Variants in PLCB4 observed in about 807,000 individuals in gnomAD.
PLCB4 encodes 1-phosphatidylinositol 4,5-bisphosphate phosphodiesterase beta-4.
Under a neutral mutation model 178.8 loss-of-function variants are expected in PLCB4, and 77 were observed. The observed-to-expected ratio is 0.43, with a 90% CI of 0.36 to 0.52. PLCB4 has a LOEUF of 0.52. Among genes scored for constraint, PLCB4 ranks in the 20% least tolerant of loss-of-function variants. The pLI, the probability that PLCB4 is intolerant of heterozygous loss-of-function variation, is 0.00. For synonymous variants in PLCB4, 496 were observed against 490.8 expected (o/e 1.01, Z -0.14); for missense variants, 1,024 against 1,453.4 (o/e 0.70, Z 4.80).
intron 32 of PLCB4, among the ~76,000 whole-genome samples, chr20:9,445,455 G>C (rs1018056399): frequency 6.6e-6 from 1 of 152,168 alleles, no homozygotes; most frequent in Non-Finnish European, 1.5e-5. Context: ...GAGATGCCGA[G>C]AACATTGTCT....
intron 12 of PLCB4, among the ~76,000 whole-genome samples, chr20:9,375,694 C>A (rs2036608252): frequency 6.6e-6 from 1 of 152,124 alleles, no homozygotes; most frequent in African/African-American, 2.4e-5. Context: ...AAACAAGTCC[C>A]ATGAACACTG....
chr20:9,369,757 C>T (rs944198042), intron 9 of PLCB4, among the ~76,000 whole-genome samples: 1 of 152,192 alleles, frequency 6.6e-6, no homozygotes, highest in Non-Finnish European at 1.5e-5. Context: ...GTGCTTTCTC[C>T]CACTCAGGAA....
At chr20:9,321,546 G>A (rs964807864) in intron 4 of PLCB4, among the ~76,000 whole-genome samples, 1 of 152,160 alleles carries the variant, frequency 6.6e-6, no homozygotes, top group African/African-American at 2.4e-5. Context: ...TTCTCTTAGG[G>A]AAATGAGAAT....
chr20:9,410,616 G>A (rs899383527), intron 24 of PLCB4, among the ~76,000 whole-genome samples: 5 of 152,206 alleles, frequency 3.3e-5, no homozygotes, highest in East Asian at 1.9e-4. Flanking sequence ...AGTTTTATGC[G>A]ATACTTACCT....
At chr20:9,344,772 G>A (rs952190002) in intron 7 of PLCB4, among the ~76,000 whole-genome samples, 4 of 152,142 alleles carry the variant, frequency 2.6e-5, no homozygotes, top group Admixed American at 2.6e-4. Context: ...TGACGAGACT[G>A]GAGGTTTTGA....
chr20:9,074,049 T>C (rs555902476), intron 1 of PLCB4, among the ~76,000 whole-genome samples: 1 of 152,222 alleles, frequency 6.6e-6, no homozygotes, highest in East Asian at 1.9e-4. Context: ...TGGGTTTGCA[T>C]TGAGCAGTGG....
intron 1 of PLCB4, among the ~76,000 whole-genome samples, chr20:9,070,720 G>A (rs1178250795): frequency 6.6e-6 from 1 of 152,134 alleles, no homozygotes; most frequent in Non-Finnish European, 1.5e-5. Context: ...TGCCAGACGA[G>A]TAACCTTTTG....
In PLCB4 at chr20:9,120,762, A is replaced by T. The variant is rs559531433; in HGVS notation, c.-79+24420A>T. 4.6e-3 allele frequency among the ~76,000 whole-genome samples: 690 copies of T among 150,766 alleles called. 7 individuals are homozygous for T. Among genetic ancestry groups the T allele is most frequent in the African/African-American group, 0.016 (651 of 41,194 alleles). On this transcript the variant is annotated intron_variant, in intron 2 of 39. Transcript: ENST00000378473. ...TTTCCACGGCCAGGTGAATAATGTCAAAATTCCTTAACTAGACCGTCAGGA... is the reference window on the plus strand; with the variant it reads ...TTTCCACGGCCAGGTGAATAATGTCTAAATTCCTTAACTAGACCGTCAGGA...
chr20:9,327,261 A>G (rs1361446024), intron 4 of PLCB4, among the ~76,000 whole-genome samples: 1 of 150,124 alleles, frequency 6.7e-6, no homozygotes, highest in Non-Finnish European at 1.5e-5. Flanking sequence ...CAACATAGCG[A>G]AACTCTGTCT....
chr20:9,076,344 G>A (rs2089864961), intron 1 of PLCB4, among the ~76,000 whole-genome samples: 1 of 152,132 alleles, frequency 6.6e-6, no homozygotes, highest in African/African-American at 2.4e-5. Context: ...GCAGGCGCCT[G>A]TAATTCCAGC....
At chr20:9,250,727 T>C (rs1053681525) in intron 3 of PLCB4, among the ~76,000 whole-genome samples, 1 of 152,170 alleles carries the variant, frequency 6.6e-6, no homozygotes, top group Non-Finnish European at 1.5e-5. Flanking sequence ...GAGTAATGAA[T>C]CTAGATTACT....
chr20:9,295,893 C>T (rs919486559), intron 3 of PLCB4, among the ~76,000 whole-genome samples: 1 of 152,020 alleles, frequency 6.6e-6, no homozygotes, highest in African/African-American at 2.4e-5. Flanking sequence ...AGACCTAAAA[C>T]CATAAAAACT....
At chr20:9,160,624 T>G (rs2092872092) in intron 2 of PLCB4, among the ~76,000 whole-genome samples, 1 of 151,992 alleles carries the variant, frequency 6.6e-6, no homozygotes, top group Admixed American at 6.6e-5. Flanking sequence ...GAGCTTGGAG[T>G]GAGGAGCTGC....
chr20:9,339,056 C>T lies in PLCB4; in HGVS notation c.369+19C>T, dbSNP rs753555184. On this transcript the variant is annotated intron_variant, in intron 7 of 39. Coordinates refer to ENST00000378473, the MANE Select transcript of PLCB4 (RefSeq NM_001377142.1). ...AACTAAGGTAGCTTCAGTTAAATGG[C>T]CTCCTTCTCTTCCCCACCATGTATA... 1.3e-6 allele frequency: 2 copies of T among 1,597,704 alleles called. No individual in the cohort carries two copies. Among genetic ancestry groups the T allele is most frequent in the Non-Finnish European group, 8.6e-7 (1 of 1,167,350 alleles).
At chr20:9,185,595 T>C (rs1021496884) in intron 2 of PLCB4, among the ~76,000 whole-genome samples, 7 of 152,162 alleles carry the variant, frequency 4.6e-5, no homozygotes, top group African/African-American at 1.7e-4. Context: ...AGTGACTGAC[T>C]AAGTGTAAGT....
chr20:9,472,791 C>T lies in PLCB4; in HGVS notation c.3352C>T (p.Arg1118Ter), dbSNP rs865977771. 1 of 1,583,486 alleles carries T rather than the reference C, an allele frequency of 6.3e-7. No individual in the cohort carries two copies. ...SIKNKAERER[R>*]VRELNSSNTK... ...GTTATTTGTGCCCATTGCTTTTAGGCGAGTCAGGGAGTTAAACAGCAGCAA... is the reference window on the plus strand; with the variant it reads ...GTTATTTGTGCCCATTGCTTTTAGGTGAGTCAGGGAGTTAAACAGCAGCAA... The change falls in exon 37 of 40, where the codon CGA becomes TGA. Residue 1118 changes from arginine to a stop codon, truncating the protein, a stop_gained and splice_region_variant. Transcript: ENST00000378473. LOFTEE classifies it high-confidence loss of function.
intron 38 of PLCB4, among the ~76,000 whole-genome samples, chr20:9,474,497 A>G (rs2044411703): frequency 6.6e-6 from 1 of 152,196 alleles, no homozygotes; most frequent in African/African-American, 2.4e-5. Flanking sequence ...ATTCCTAGGT[A>G]ATTCAATTTA....
chr20:9,243,447 A>C (rs1163546918), intron 3 of PLCB4, among the ~76,000 whole-genome samples: 1 of 152,212 alleles, frequency 6.6e-6, no homozygotes, highest in African/African-American at 2.4e-5. Flanking sequence ...AAAGGAGGTC[A>C]GATCCATTTG....
intron 3 of PLCB4, among the ~76,000 whole-genome samples, chr20:9,262,615 C>A (rs1433002060): frequency 6.6e-6 from 1 of 152,104 alleles, no homozygotes; most frequent in Non-Finnish European, 1.5e-5. Context: ...AACGAAGACT[C>A]CTTGTAAATG....
Sources: allele counts gnomAD v4.1 joint callset (sites outside exome capture counted in the v4.1 genomes callset), GRCh38; gene constraint gnomAD v4.1.1; transcripts MANE v1.5; gene names NCBI Gene and HGNC (gene_info 2026-07-23, HGNC 2026-07-21).